The following CAPN6 variants were observed in gnomAD, a reference collection of about 807,000 sequenced individuals.
CAPN6 encodes calpain-6.
A neutral mutation model predicts 46.0 loss-of-function variants in CAPN6; 16 were observed. The observed-to-expected ratio is 0.35, with a 90% CI of 0.24 to 0.53. CAPN6 has a LOEUF of 0.53. CAPN6 is among the 20% of genes least tolerant of loss of function. The pLI, the probability that CAPN6 is intolerant of heterozygous loss-of-function variation, is 0.94. For missense variants in CAPN6, 461 were observed against 498.0 expected (o/e 0.93, Z 0.71); for synonymous variants, 206 against 172.8 (o/e 1.19, Z -1.51).
chrX:111,265,065 A>C (rs1464593998), intron 1 of CAPN6, among the ~76,000 whole-genome samples: 1 of 112,327 alleles, frequency 8.9e-6, no homozygotes, highest in Non-Finnish European at 1.9e-5. Context: ...TGAAACAAAA[A>C]AAACCTGACT....
At chrX:111,253,369 T>C (rs898201748) in intron 3 of CAPN6, among the ~76,000 whole-genome samples, 153 bp from the exon 4 acceptor site, 1 of 112,370 alleles carries the variant, frequency 8.9e-6, no homozygotes, top group Admixed American at 9.4e-5. Context: ...AGATATGGCA[T>C]TTTGCCCACA....
At chrX:111,268,400 T>C (rs2094993580) in intron 1 of CAPN6, among the ~76,000 whole-genome samples, 1 of 112,627 alleles carries the variant, frequency 8.9e-6, no homozygotes, top group African/African-American at 3.2e-5. Context: ...AATGGGAATA[T>C]GTTAGCTTCC....
chrX:111,248,572 A>G lies in CAPN6; in HGVS notation c.1481T>C (p.Leu494Pro), dbSNP rs754118670. 1.4e-5 allele frequency: 17 copies of G among 1,203,964 alleles called. No homozygotes were observed. The highest frequency in any genetic ancestry group is 1.9e-5 in the Non-Finnish European group (17 of 890,997). ...GGGCTTGCGAAGGAAACTGAACCTG[A>G]GCTGGACAGGCACTTCAGAGAAGAT... ...LRIFSEVPVQLRELTLDMPKM... is the reference protein window; with the variant it reads ...LRIFSEVPVQPRELTLDMPKM... Residue 494 changes from leucine (L) to proline (P), a missense_variant, in exon 10 of 13, where the codon CTC (leucine) becomes CCC (proline). By Grantham distance (98) the Leu-to-Pro change is moderately conservative (BLOSUM62 -3). Coordinates refer to ENST00000324068, the MANE Select transcript of CAPN6 (RefSeq NM_014289.4).
chrX:111,248,800 A>G (rs2094976739), intron 9 of CAPN6, 29 bp from the exon 10 acceptor site: 1 of 1,194,807 alleles, frequency 8.4e-7, no homozygotes, highest in East Asian at 3.0e-5. Context: ...AAAATATTCA[A>G]TTCCACTCAA....
At chrX:111,250,547 G>A (rs149404354) in intron 8 of CAPN6, among the ~76,000 whole-genome samples, 3 of 111,222 alleles carry the variant, frequency 2.7e-5, no homozygotes, top group East Asian at 5.7e-4. Context: ...GAACAGCTGG[G>A]CAGTAAAGAG....
At chrX:111,267,005 T>G (rs2094992473) in intron 1 of CAPN6, among the ~76,000 whole-genome samples, 1 of 112,300 alleles carries the variant, frequency 8.9e-6, no homozygotes, top group African/African-American at 3.2e-5. Flanking sequence ...ACCCAGAAAT[T>G]TGTAAGTTGA....
At chrX:111,258,317 G>A (rs762430269) in intron 2 of CAPN6, among the ~76,000 whole-genome samples, 1 of 112,088 alleles carries the variant, frequency 8.9e-6, no homozygotes, top group African/African-American at 3.2e-5. Context: ...AAAGTGCTAC[G>A]TGCAATCTAG....
intron 1 of CAPN6, among the ~76,000 whole-genome samples, chrX:111,268,275 A>G (rs1718558834): frequency 8.9e-6 from 1 of 112,429 alleles, no homozygotes; most frequent in Non-Finnish European, 1.9e-5. Flanking sequence ...TCAAAAAATA[A>G]AAAGCAATTC....
Position 111,246,778 on chromosome X carries a change from G to A in CAPN6, c.1744-19C>T, listed in dbSNP as rs778556558. Reference sequence around the variant, plus strand: ...TCCAGACCTGGAAAGACAAACGAAGGGAGTGAAGATGAGCAGCCCTCAGTG... The same window carrying A: ...TCCAGACCTGGAAAGACAAACGAAGAGAGTGAAGATGAGCAGCCCTCAGTG... On this transcript the variant is annotated intron_variant, in intron 12 of 12. Coordinates refer to ENST00000324068, the MANE Select transcript of CAPN6 (RefSeq NM_014289.4). 24 of 1,187,144 alleles carry A rather than the reference G, an allele frequency of 2.0e-5. No individual in the cohort carries two copies. Among genetic ancestry groups the A allele is most frequent in the South Asian group, 3.7e-5 (2 of 54,366 alleles).
Position 111,247,883 on chromosome X carries a change from ACTT to A in CAPN6, c.1591_1593del (p.Lys531del). 8.3e-7 allele frequency: 1 copy of A among 1,210,045 alleles called. No homozygotes were observed. The highest frequency in any genetic ancestry group is 3.0e-5 in the East Asian group (1 of 33,815). ...CTGCCATTCTTACTTTCATTGGCAT[ACTT>A]CTTCTCCAGGTCCTCAGCACTGTGA... On this transcript the variant is annotated inframe_deletion, in exon 11 of 13. Coordinates refer to ENST00000324068, the MANE Select transcript of CAPN6 (RefSeq NM_014289.4).
intron 11 of CAPN6, 58 bp downstream of exon 11, chrX:111,247,813 C>T (rs2094975765): frequency 6.9e-6 from 8 of 1,166,548 alleles, no homozygotes; most frequent in Non-Finnish European, 9.3e-6. Context: ...TGTTTTCTAA[C>T]TTATGTGCTA....
At chrX:111,250,764 A>C (rs928399243) in intron 8 of CAPN6, among the ~76,000 whole-genome samples, 153 bp downstream of exon 8, 11 of 112,042 alleles carry the variant, frequency 9.8e-5, no homozygotes, top group African/African-American at 3.6e-4. Context: ...CAAGCACCTG[A>C]GACAATCCGT....
intron 10 of CAPN6, 37 bp from the exon 11 acceptor site, chrX:111,248,029 T>C: frequency 8.5e-7 from 1 of 1,177,169 alleles, no homozygotes. Context: ...CATCATATGA[T>C]AAATATCCTT....
intron 1 of CAPN6, among the ~76,000 whole-genome samples, chrX:111,265,519 T>C (rs1239143829): frequency 8.9e-6 from 1 of 112,128 alleles, no homozygotes; most frequent in Non-Finnish European, 1.9e-5. Context: ...GTGTACTTCA[T>C]TGTATTTGAA....
intron 10 of CAPN6, 74 bp from the exon 11 acceptor site, chrX:111,248,066 C>T (rs2094976018): frequency 9.9e-7 from 1 of 1,008,584 alleles, no homozygotes; most frequent in Admixed American, 2.2e-5. Context: ...CCAAAGCAGA[C>T]ATCATTGCTG....
intron 8 of CAPN6, among the ~76,000 whole-genome samples, chrX:111,249,285 T>C (rs1194393067): frequency 8.9e-6 from 1 of 112,211 alleles, no homozygotes; most frequent in African/African-American, 3.2e-5. Flanking sequence ...AAGGACAACC[T>C]TATTCTTAGC....
chrX:111,248,669 G>C lies in CAPN6; in HGVS notation c.1384C>G (p.Leu462Val). Residue 462 changes from leucine to valine, a missense_variant, in exon 10 of 13, where the codon CTG (leucine) becomes GTG (valine). Leu to Val is a conservative substitution (Grantham distance 32). Coordinates refer to ENST00000324068, the MANE Select transcript of CAPN6 (RefSeq NM_014289.4). ...DTRTVFLSKY[L>V]KKGNYVLVPT... ...ACAAGCACATAGTTGCCCTTCTTCA[G>C]GTACTTGCTCAGAAACACTGTGCGG... 8.3e-7 allele frequency: 1 copy of C among 1,209,952 alleles called. No individual in the cohort carries two copies. The highest frequency in any genetic ancestry group is 1.1e-6 in the Non-Finnish European group (1 of 894,503).
At chrX:111,247,624 G>A in intron 11 of CAPN6, 120 bp from the exon 12 acceptor site, 1 of 753,550 alleles carries the variant, frequency 1.3e-6, no homozygotes, top group East Asian at 3.2e-5. Context: ...GCACCAGAAT[G>A]ACTGAGATTC....
intron 11 of CAPN6, among the ~76,000 whole-genome samples, 161 bp downstream of exon 11, chrX:111,247,710 T>G (rs184380993): frequency 8.9e-6 from 1 of 112,001 alleles, no homozygotes. Flanking sequence ...ATGTAGGCCT[T>G]GCTTGAAGTT....
Sources: gnomAD v4.1 joint callset for allele counts (sites outside exome capture counted in the v4.1 genomes callset) on GRCh38, gnomAD v4.1.1 for gene constraint, MANE v1.5 for transcripts, NCBI Gene and HGNC (gene_info 2026-07-23, HGNC 2026-07-21) for gene names.